The following FRMD6 variants were observed in gnomAD, a reference collection of about 807,000 sequenced individuals.
FRMD6 encodes the protein FERM domain containing 6, also known as FERM domain-containing protein 6.
A neutral mutation model predicts 73.2 loss-of-function variants in FRMD6; 37 were observed. That is an observed-to-expected ratio of 0.51 (90% CI 0.39 to 0.66). The LOEUF (loss-of-function observed/expected upper bound fraction) is 0.66, where lower values mean the gene tolerates loss of function less well. Ranked by LOEUF, FRMD6 falls within the 30% of genes least tolerant of loss-of-function variation. The probability of loss-of-function intolerance (pLI) is 0.00; values close to 1 mark genes in which losing one functional copy is unlikely to be tolerated. For missense variants in FRMD6, 714 were observed against 780.5 expected (o/e 0.91, Z 1.02); for synonymous variants, 273 against 282.2 (o/e 0.97, Z 0.33).
chr14:51,540,599 T>A (rs1162918250), intron 1 of FRMD6, among the ~76,000 whole-genome samples: 1 of 152,144 alleles, frequency 6.6e-6, no homozygotes, highest in African/African-American at 2.4e-5. Flanking sequence ...CTTTGCAAAG[T>A]AGATTTTACA....
At chr14:51,706,343 G>A (rs1183239877) in intron 6 of FRMD6, among the ~76,000 whole-genome samples, 1 of 151,922 alleles carries the variant, frequency 6.6e-6, no homozygotes, top group African/African-American at 2.4e-5. Flanking sequence ...TCCCTGCTTC[G>A]GTCTTTACTC....
the FRMD6 span, among the ~76,000 whole-genome samples, chr14:51,424,969 A>G: frequency 1.3e-5 from 2 of 152,214 alleles, no homozygotes; most frequent in African/African-American, 4.8e-5. Flanking sequence ...CACATGGTGC[A>G]TTTTGACTTG....
In FRMD6 at chr14:51,545,862, G is replaced by A. The variant is rs989015507; in HGVS notation, c.-209-24486G>A. Among the ~76,000 whole-genome samples the A allele has an allele frequency of 4.0e-5, 6 of 151,862 alleles. No individual in the cohort carries two copies. In the East Asian group the frequency reaches 7.7e-4, roughly 20 times the overall value. ...TAGCAGCATACAAGGGAATATGTTC[G>A]GGCATAGGAAAAAAAAGCAGTGAAA... On this transcript the variant is annotated intron_variant, in intron 1 of 14. Coordinates refer to the FRMD6 transcript ENST00000356218.
chr14:51,538,691 A>G (rs1886042238), intron 1 of FRMD6, among the ~76,000 whole-genome samples: 1 of 152,196 alleles, frequency 6.6e-6, no homozygotes, highest in Admixed American at 6.5e-5. Flanking sequence ...CTTGCCAAAA[A>G]TCAACTAGCC....
chr14:51,430,648 C>T, the FRMD6 span, among the ~76,000 whole-genome samples: 1 of 152,076 alleles, frequency 6.6e-6, no homozygotes, highest in Admixed American at 6.5e-5. Context: ...GTTCTTCTCC[C>T]CGCTTAAATC....
chr14:51,721,706 GGA>G (rs1897589562), intron 11 of FRMD6, among the ~76,000 whole-genome samples: 2 of 134,498 alleles, frequency 1.5e-5, no homozygotes, highest in South Asian at 2.7e-4. Context: ...AAGGAAGGAA[GGA>G]AGGAAGGAAG....
chr14:51,428,605 T>C, the FRMD6 span, among the ~76,000 whole-genome samples: 1 of 152,124 alleles, frequency 6.6e-6, no homozygotes, highest in South Asian at 2.1e-4. Context: ...GAGATGAGAA[T>C]CTTGGGGGTT....
chr14:51,413,736 T>C, the FRMD6 span, among the ~76,000 whole-genome samples: 1 of 152,250 alleles, frequency 6.6e-6, no homozygotes, highest in African/African-American at 2.4e-5. Flanking sequence ...ATCGCCACAC[T>C]GTCTTCCACA....
At chr14:51,412,347 T>A in the FRMD6 span, among the ~76,000 whole-genome samples, 69 of 152,204 alleles carry the variant, frequency 4.5e-4, no homozygotes, top group Non-Finnish European at 7.2e-4. Flanking sequence ...TGAATCTCAA[T>A]CATTTTAGAA....
At chr14:51,649,441 G>C (rs1892233925), upstream of FRMD6, 1 of 151,594 alleles carries the variant, frequency 6.6e-6, no homozygotes, top group Non-Finnish European at 1.5e-5. Context: ...AATGTTTCAC[G>C]CCTACCAATA....
rs564717683 is a variant in FRMD6, at chr14:51,721,241, T to C, written c.1361-708T>C. On this transcript the variant is annotated intron_variant, in intron 11 of 13. Transcript: ENST00000344768. Reference sequence around the variant, plus strand: ...GTCATTGCAGCAAGGTGGTATAGTTTTTCTTCTTAAAAAATACAGAATAAT... The same window carrying C: ...GTCATTGCAGCAAGGTGGTATAGTTCTTCTTCTTAAAAAATACAGAATAAT... Among the ~76,000 whole-genome samples, 6 of 152,320 alleles carry C rather than the reference T, an allele frequency of 3.9e-5. No individual in the cohort carries two copies. The East Asian group carries it at 1.2e-3, about 29-fold the overall frequency.
At chr14:51,512,335 T>C (rs2140260254) in intron 1 of FRMD6, among the ~76,000 whole-genome samples, 1 of 152,334 alleles carries the variant, frequency 6.6e-6, no homozygotes, top group South Asian at 2.1e-4. Context: ...CTTCAGATTT[T>C]TGGGCCAAAG....
chr14:51,414,502 C>T, the FRMD6 span, among the ~76,000 whole-genome samples: 2 of 152,052 alleles, frequency 1.3e-5, no homozygotes, highest in Non-Finnish European at 2.9e-5. Context: ...TGTTCTTTTC[C>T]ATTGGTCTAT....
the FRMD6 span, among the ~76,000 whole-genome samples, chr14:51,412,783 C>T: frequency 0.013 from 1,950 of 151,714 alleles, 45 homozygotes; most frequent in African/African-American, 0.045. Flanking sequence ...ACCGGGGAGG[C>T]GCAGTTTGCA....
At chr14:51,685,924 A>G (rs1200671470) in intron 1 of FRMD6, among the ~76,000 whole-genome samples, 2 of 152,226 alleles carry the variant, frequency 1.3e-5, no homozygotes, top group African/African-American at 2.4e-5. Flanking sequence ...AGGATTCTCT[A>G]CAATCCAGTT....
the FRMD6 span, among the ~76,000 whole-genome samples, chr14:51,435,832 C>T: frequency 6.6e-6 from 1 of 152,152 alleles, no homozygotes; most frequent in East Asian, 1.9e-4. Context: ...TGAGGTGACA[C>T]TAATTACCTT....
At chr14:51,688,490 C>T (rs1895327279) in intron 1 of FRMD6, among the ~76,000 whole-genome samples, 1 of 151,998 alleles carries the variant, frequency 6.6e-6, no homozygotes. Flanking sequence ...ATACATTTAA[C>T]CTTAAGCAAA....
chr14:51,454,651 CT>C, the FRMD6 span: 1 of 152,146 alleles, frequency 6.6e-6, no homozygotes, highest in Non-Finnish European at 1.5e-5. Context: ...TGTCATAGGC[CT>C]GTGATATTCT....
chr14:51,424,224 C>T, the FRMD6 span, among the ~76,000 whole-genome samples: 4 of 152,102 alleles, frequency 2.6e-5, no homozygotes, highest in African/African-American at 9.7e-5. Context: ...AAGGTAAAAG[C>T]CACCGATGAG....
Sources: gnomAD v4.1 joint callset for allele counts (sites outside exome capture counted in the v4.1 genomes callset) on GRCh38, gnomAD v4.1.1 for gene constraint, MANE v1.5 for transcripts, NCBI Gene and HGNC (gene_info 2026-07-23, HGNC 2026-07-21) for gene names.